Variants in ZNF841 observed in about 807,000 individuals in gnomAD.
ZNF841 encodes TCONS_00006091.
A neutral mutation model predicts 13.0 loss-of-function variants in ZNF841; 11 were observed. That is an observed-to-expected ratio of 0.85 (90% CI 0.53 to 1.40). ZNF841 has a LOEUF of 1.40. Ranked by LOEUF, ZNF841 falls within the 40% of genes most tolerant of loss-of-function variation. The probability of loss-of-function intolerance (pLI) is 0.00; values close to 1 mark genes in which losing one functional copy is unlikely to be tolerated. For synonymous variants in ZNF841, 369 were observed against 381.6 expected (o/e 0.97, Z 0.38); for missense variants, 1,068 against 1,139.5 (o/e 0.94, Z 0.90).
At position 52,066,034 on chromosome 19, in the gene ZNF841, C is replaced by T. The variant is rs766695733; in HGVS notation, c.1848G>A (p.Arg616=). The T allele has an allele frequency of 1.9e-6, 3 of 1,614,022 alleles. No homozygotes were observed. Among genetic ancestry groups the T allele is most frequent in the Non-Finnish European group, 2.5e-6 (3 of 1,179,930 alleles). Residue 616 remains arginine, a synonymous_variant, in exon 7 of 7, where the codon AGG becomes AGA. Coordinates refer to ENST00000594440, the MANE Select transcript of ZNF841 (RefSeq NM_001136499.2). ...AAGGTTTCTCTCCGGTATGACTTCGCCTATGAATTGAAAGGTTTCCACTGT... is the reference window on the plus strand; with the variant it reads ...AAGGTTTCTCTCCGGTATGACTTCGTCTATGAATTGAAAGGTTTCCACTGT... ...FIDSGNLSIH[R]RSHTGEKPFQ...
chr19:52,090,584 G>GT (rs2088436227), intron 2 of ZNF841, among the ~76,000 whole-genome samples: 1 of 147,836 alleles, frequency 6.8e-6, no homozygotes, highest in Non-Finnish European at 1.5e-5. Context: ...TCCAGCTTGA[G>GT]TAACAATGTG....
intron 4 of ZNF841, among the ~76,000 whole-genome samples, chr19:52,083,125 C>A (rs1489342968): frequency 1.3e-5 from 2 of 151,790 alleles, no homozygotes; most frequent in Non-Finnish European, 2.9e-5. Flanking sequence ...CAAAATACAG[C>A]AGAACATTCA....
At chr19:52,075,834 G>T (rs561463447) in intron 6 of ZNF841, among the ~76,000 whole-genome samples, 1 of 152,186 alleles carries the variant, frequency 6.6e-6, no homozygotes, top group Non-Finnish European at 1.5e-5. Context: ...TAACAGTCTT[G>T]TACTTTGCTC....
rs376585269 is a variant in ZNF841 at position 52,066,062 on chromosome 19, A to T, written c.1820T>A (p.Ile607Asn). 29 of 1,613,104 alleles carry T rather than the reference A, an allele frequency of 1.8e-5. No homozygotes were observed. Among genetic ancestry groups the T allele is most frequent in the Middle Eastern group, 1.6e-4 (1 of 6,082 alleles). Residue 607 changes from isoleucine (I) to asparagine (N), a missense_variant, in exon 7 of 7, where the codon ATT becomes AAT. Ile to Asn is a moderately radical substitution (Grantham distance 149). Coordinates refer to ENST00000594440, the MANE Select transcript of ZNF841 (RefSeq NM_001136499.2). Reference protein sequence around the residue: ...YKCNVCGKVFIDSGNLSIHRR... With the variant: ...YKCNVCGKVFNDSGNLSIHRR... ...ATGAATTGAAAGGTTTCCACTGTCA[A>T]TGAAGACCTTGCCACACACATTACA...
chr19:52,092,773 A>T (rs2088542760), intron 2 of ZNF841, among the ~76,000 whole-genome samples: 1 of 152,226 alleles, frequency 6.6e-6, no homozygotes, highest in African/African-American at 2.4e-5. Flanking sequence ...GTAGTTAGAG[A>T]TCATGCTGGA....
intron 6 of ZNF841, among the ~76,000 whole-genome samples, chr19:52,071,210 T>A (rs879314764): frequency 6.6e-6 from 1 of 152,222 alleles, no homozygotes. Context: ...TATGTCTCTA[T>A]AATATTTGCT....
At chr19:52,084,949 C>A (rs749457700) in intron 3 of ZNF841, 71 bp from the exon 4 acceptor site, 24 of 809,090 alleles carry the variant, frequency 3.0e-5, no homozygotes, top group Non-Finnish European at 4.2e-5. Flanking sequence ...ACCATGCCCA[C>A]AGGGAAGGCC....
At chr19:52,081,043 C>T (rs1184223782) in intron 4 of ZNF841, among the ~76,000 whole-genome samples, 1 of 152,130 alleles carries the variant, frequency 6.6e-6, no homozygotes, top group African/African-American at 2.4e-5. Context: ...CTTTGAAGAA[C>T]TAAAAGGAAA....
At chr19:52,092,808 G>C (rs905980229) in intron 2 of ZNF841, among the ~76,000 whole-genome samples, 2 of 152,156 alleles carry the variant, frequency 1.3e-5, no homozygotes, top group African/African-American at 4.8e-5. Context: ...CCATGTATCT[G>C]CTGAAAAAAC....
chr19:52,076,014 C>T (rs1466878853), intron 6 of ZNF841, 30 bp downstream of exon 6: 13 of 1,550,542 alleles, frequency 8.4e-6, no homozygotes, highest in Admixed American at 2.0e-5. Flanking sequence ...TTCATGGTAC[C>T]GCTTCCATTG....
At chr19:52,059,500 A>G (rs2087363201), downstream of ZNF841, among the ~76,000 whole-genome samples, 1 of 151,706 alleles carries the variant, frequency 6.6e-6, no homozygotes, top group Non-Finnish European at 1.5e-5. Flanking sequence ...GAATGATACA[A>G]GATACTGAAC....
intron 4 of ZNF841, 41 bp downstream of exon 4, chr19:52,084,746 A>C (rs2088213635): frequency 1.9e-6 from 3 of 1,608,170 alleles, no homozygotes; most frequent in African/African-American, 1.3e-5. Context: ...GCATTTCAAA[A>C]AGGGAGGAGA....
At chr19:52,060,308 CA>C (rs2123182094), downstream of ZNF841, among the ~76,000 whole-genome samples, 2 of 152,284 alleles carry the variant, frequency 1.3e-5, no homozygotes, top group South Asian at 4.1e-4. Flanking sequence ...TCCCCTTTTA[CA>C]TACAGGGAAA....
At chr19:52,090,674 A>G (rs199787596) in intron 2 of ZNF841, among the ~76,000 whole-genome samples, 16,573 of 134,342 alleles carry the variant, frequency 0.12, 1,893 homozygotes, top group East Asian at 0.31. Flanking sequence ...AAAGAAAGAA[A>G]GAAAGAAAGA....
Position 52,067,131 on chromosome 19 carries a change from C to T in ZNF841, c.751G>A (p.Asp251Asn). 1 of 1,564,810 alleles carries T rather than the reference C, an allele frequency of 6.4e-7. No individual in the cohort carries two copies. The highest frequency in any genetic ancestry group is 1.4e-5 in the African/African-American group (1 of 73,596). Residue 251 changes from aspartate (D) to asparagine (N), a missense_variant, in exon 7 of 7, where the codon GAC becomes AAC. Asp to Asn is a conservative substitution (Grantham distance 23, BLOSUM62 1). Transcript: ENST00000594440. ...DFLQLSLPTQ[D>N]EKTHIREKPY... ...TTTTCCCTAATATGTGTTTTCTCGTCTTGTGTAGGTAACGAAAGTTGCAAA... is the reference window on the plus strand; with the variant it reads ...TTTTCCCTAATATGTGTTTTCTCGTTTTGTGTAGGTAACGAAAGTTGCAAA...
At position 52,067,496 on chromosome 19, in the gene ZNF841, A is replaced by G. The variant is rs1337716021; in HGVS notation, c.386T>C (p.Phe129Ser). The G allele has an allele frequency of 6.3e-7, 1 of 1,579,010 alleles. No individual in the cohort carries two copies. Among genetic ancestry groups the G allele is most frequent in the Non-Finnish European group, 8.6e-7 (1 of 1,160,382 alleles). ...ATTTTTCCGGATTTCCCTGAAGTAAAAATTTTCAGTGTCATAGCTTTCATG... is the reference window on the plus strand; with the variant it reads ...ATTTTTCCGGATTTCCCTGAAGTAAGAATTTTCAGTGTCATAGCTTTCATG... ...EGHESYDTENFYFREIRKNLQ... is the reference protein window; with the variant it reads ...EGHESYDTENSYFREIRKNLQ... The change falls in exon 7 of 7, where the codon TTT becomes TCT. Residue 129 changes from phenylalanine (F) to serine (S), a missense_variant. By Grantham distance (155) the Phe-to-Ser change is radical. Transcript: ENST00000594440.
chr19:52,095,402 C>A (rs895375944), intron 1 of ZNF841, among the ~76,000 whole-genome samples, 173 bp downstream of exon 1: 1 of 152,160 alleles, frequency 6.6e-6, no homozygotes, highest in Non-Finnish European at 1.5e-5. Context: ...GCGAAGGGCG[C>A]TAGTCCACAT....
downstream of ZNF841, among the ~76,000 whole-genome samples, chr19:52,060,402 G>T (rs2087377467): frequency 6.6e-6 from 1 of 152,150 alleles, no homozygotes; most frequent in South Asian, 2.1e-4. Flanking sequence ...CAAGTTTCTG[G>T]CCAGGGCCAT....
chr19:52,061,310 C>G (rs1721380119), downstream of ZNF841, among the ~76,000 whole-genome samples: 1 of 152,136 alleles, frequency 6.6e-6, no homozygotes, highest in South Asian at 2.1e-4. Context: ...TTGTCTGCCC[C>G]CATTATGAAC....
Sources: gnomAD v4.1 joint callset for allele counts (sites outside exome capture counted in the v4.1 genomes callset) on GRCh38, gnomAD v4.1.1 for gene constraint, MANE v1.5 for transcripts, NCBI Gene and HGNC (gene_info 2026-07-23, HGNC 2026-07-21) for gene names.